Variants in RBPMS observed in about 807,000 individuals in gnomAD.
RBPMS encodes the protein RNA-binding protein with multiple splicing.
In RBPMS, 7 loss-of-function variants were observed where a neutral mutation model predicts 26.8. The observed-to-expected ratio is 0.26, with a 90% CI of 0.15 to 0.49. The LOEUF (loss-of-function observed/expected upper bound fraction) is 0.49. RBPMS is among the 20% of genes least tolerant of loss of function. The pLI is 0.98. For synonymous variants in RBPMS, 96 were observed against 93.3 expected, an observed-to-expected ratio of 1.03 and a Z score of -0.17; for missense variants, 186 against 250.0, an observed-to-expected ratio of 0.74 and a Z score of 1.73.
At chr8:30,488,743 G>A (rs1819060960) in intron 4 of RBPMS, among the ~76,000 whole-genome samples, 1 of 152,184 alleles carries the variant, frequency 6.6e-6, no homozygotes, top group Non-Finnish European at 1.5e-5. Context: ...AACATACTGT[G>A]TATTTGATGT....
At chr8:30,517,176 T>C (rs1039496591) in intron 5 of RBPMS, among the ~76,000 whole-genome samples, 1 of 148,940 alleles carries the variant, frequency 6.7e-6, no homozygotes, top group Non-Finnish European at 1.5e-5. Flanking sequence ...AATAGATATA[T>C]AGGCCAAGAC....
intron 5 of RBPMS, among the ~76,000 whole-genome samples, chr8:30,534,489 G>A (rs184010001): frequency 5.4e-4 from 83 of 152,340 alleles, no homozygotes; most frequent in African/African-American, 1.8e-3. Flanking sequence ...AACATTCCCT[G>A]TGGATAGATC....
At chr8:30,453,880 CA>C (rs1814904120) in intron 1 of RBPMS, 1 of 152,022 alleles carries the variant, frequency 6.6e-6, no homozygotes, top group Non-Finnish European at 1.5e-5. Flanking sequence ...TCATATTTCC[CA>C]AATGTGCTTG....
chr8:30,421,887 G>A (rs1450266952), intron 1 of RBPMS, among the ~76,000 whole-genome samples: 9 of 152,032 alleles, frequency 5.9e-5, no homozygotes, highest in Non-Finnish European at 8.8e-5. Flanking sequence ...CCCGGGAGGC[G>A]GAGGTTGCAG....
intron 5 of RBPMS, among the ~76,000 whole-genome samples, chr8:30,523,728 T>C (rs2915624): frequency 0.2 from 29,793 of 151,858 alleles, 3,183 homozygotes; most frequent in South Asian, 0.39. Flanking sequence ...AGACACATTT[T>C]GTGTTCTCAT....
At chr8:30,514,497 G>C (rs1822074419) in intron 5 of RBPMS, among the ~76,000 whole-genome samples, 1 of 151,824 alleles carries the variant, frequency 6.6e-6, no homozygotes, top group African/African-American at 2.4e-5. Context: ...TTGAAAACTT[G>C]ACCACCATGA....
In RBPMS at chr8:30,415,059, A is replaced by G. The variant is rs531199226; in HGVS notation, c.66+29901A>G. 4.6e-5 allele frequency among the ~76,000 whole-genome samples: 7 copies of G among 152,232 alleles called. No homozygotes were observed. The East Asian group carries it at 1.4e-3, about 29-fold the overall frequency. On this transcript the variant is annotated intron_variant, in intron 1 of 8. Coordinates refer to ENST00000397323, the MANE Select transcript of RBPMS (RefSeq NM_001008710.3). ...CCTGAAATCCAGATTCAAAGATCCA[A>G]GTGTCTACACCACTTCTAGCTGGAT...
At chr8:30,468,810 CT>C in intron 1 of RBPMS, among the ~76,000 whole-genome samples, 1 of 152,298 alleles carries the variant, frequency 6.6e-6, no homozygotes, top group African/African-American at 2.4e-5. Flanking sequence ...TTAAAAGCTG[CT>C]TTGAGGTCTT....
At chr8:30,526,249 T>C (rs1392902312) in intron 5 of RBPMS, among the ~76,000 whole-genome samples, 1 of 152,244 alleles carries the variant, frequency 6.6e-6, no homozygotes, top group Non-Finnish European at 1.5e-5. Flanking sequence ...TCGCTTTGCC[T>C]TCAGGCTTTT....
chr8:30,497,868 C>T (rs781624756), intron 4 of RBPMS, among the ~76,000 whole-genome samples: 3 of 151,660 alleles, frequency 2.0e-5, no homozygotes, highest in African/African-American at 7.3e-5. Flanking sequence ...GTGATCTGCC[C>T]GCCTCGGCCT....
intron 1 of RBPMS, among the ~76,000 whole-genome samples, chr8:30,427,044 G>A (rs966574283): frequency 1.3e-5 from 2 of 152,100 alleles, no homozygotes; most frequent in South Asian, 2.1e-4. Flanking sequence ...CCCTGCTTTG[G>A]CCTCCCAAAG....
rs768472579 is a variant in RBPMS, at chr8:30,417,678, T to C, written c.66+32520T>C. On this transcript the variant is annotated intron_variant, in intron 1 of 8. Transcript: ENST00000397323. ...CATCTTTTTATGTACTTAACATGTC[T>C]GTAAATATGTCTTTTATCTTTTTTG... is the stretch of plus-strand genomic sequence containing the variant. 8.5e-5 allele frequency among the ~76,000 whole-genome samples: 13 copies of C among 152,252 alleles called. 1 individual carries two copies. The highest frequency in any genetic ancestry group is 4.1e-4 in the South Asian group (2 of 4,838).
chr8:30,472,235 T>C (rs1304671862), intron 1 of RBPMS, among the ~76,000 whole-genome samples: 1 of 152,222 alleles, frequency 6.6e-6, no homozygotes, highest in African/African-American at 2.4e-5. Flanking sequence ...GAATAGACTG[T>C]TGATACATTC....
chr8:30,549,905 C>T lies in RBPMS; in HGVS notation c.528+5281C>T, dbSNP rs573743609. ...TCGCTCTGTCGCCCAGGCTGGAGTG[C>T]AGTGGTGTGATCTCGGCTCACTGCA... On this transcript the variant is annotated intron_variant, in intron 6 of 8. Coordinates refer to ENST00000397323, the MANE Select transcript of RBPMS (RefSeq NM_001008710.3). Among the ~76,000 whole-genome samples the T allele has an allele frequency of 1.3e-3, 199 of 149,618 alleles. 2 individuals are homozygous for T. The highest frequency in any genetic ancestry group is 0.012 in the South Asian group (59 of 4,732).
chr8:30,493,624 T>C (rs1390809847), intron 4 of RBPMS, among the ~76,000 whole-genome samples: 1 of 152,118 alleles, frequency 6.6e-6, no homozygotes, highest in East Asian at 1.9e-4. Context: ...TTCCATGTAA[T>C]ATTATCTATT....
chr8:30,522,912 A>G (rs1823209664), intron 5 of RBPMS, among the ~76,000 whole-genome samples: 1 of 152,128 alleles, frequency 6.6e-6, no homozygotes. Flanking sequence ...TCTTTTCCTT[A>G]TTGATAGGTC....
intron 4 of RBPMS, among the ~76,000 whole-genome samples, chr8:30,485,706 A>T (rs1260840913): frequency 6.6e-6 from 1 of 152,168 alleles, no homozygotes; most frequent in Non-Finnish European, 1.5e-5. Context: ...CCCCAAAGAA[A>T]ATTGAAGTTG....
intron 7 of RBPMS, among the ~76,000 whole-genome samples, chr8:30,560,524 G>A (rs1827371355): frequency 6.6e-6 from 1 of 152,144 alleles, no homozygotes; most frequent in Non-Finnish European, 1.5e-5. Flanking sequence ...ATCAGCATCA[G>A]GAAGCTAAAA....
intron 4 of RBPMS, among the ~76,000 whole-genome samples, chr8:30,487,231 CTTTG>C (rs1818885713): frequency 7.0e-6 from 1 of 142,968 alleles, no homozygotes; most frequent in African/African-American, 2.5e-5. Flanking sequence ...TCACTGTCTT[CTTTG>C]TTCTCTTTTA....
Sources: allele counts gnomAD v4.1 joint callset (sites outside exome capture counted in the v4.1 genomes callset), GRCh38; gene constraint gnomAD v4.1.1; transcripts MANE v1.5; gene names NCBI Gene and HGNC (gene_info 2026-07-23, HGNC 2026-07-21).